Variants in SH3PXD2A observed in about 807,000 individuals in gnomAD.
The protein encoded by SH3PXD2A is SH3 and PX domain-containing protein 2A.
Under a neutral mutation model 115.2 loss-of-function variants are expected in SH3PXD2A, and 32 were observed. The ratio of observed to expected loss-of-function variants is 0.28; its 90% CI spans 0.21 to 0.37. The LOEUF (loss-of-function observed/expected upper bound fraction) is 0.37. Among genes scored for constraint, SH3PXD2A ranks in the 10% least tolerant of loss-of-function variants. The probability of loss-of-function intolerance (pLI) is 1.00; values close to 1 mark genes in which losing one functional copy is unlikely to be tolerated. For synonymous variants in SH3PXD2A, 610 were observed against 629.1 expected (o/e 0.97, Z 0.45); for missense variants, 1,328 against 1,498.7 (o/e 0.89, Z 1.88).
At chr10:103,832,619 T>C (rs2039493559) in intron 1 of SH3PXD2A, among the ~76,000 whole-genome samples, 1 of 152,148 alleles carries the variant, frequency 6.6e-6, no homozygotes, top group African/African-American at 2.4e-5. Context: ...TGGATGAAGC[T>C]AGAAACCATC....
At chr10:103,696,751 G>A (rs1389284231) in intron 5 of SH3PXD2A, among the ~76,000 whole-genome samples, 2 of 152,192 alleles carry the variant, frequency 1.3e-5, no homozygotes, top group Non-Finnish European at 2.9e-5. Flanking sequence ...CCCAAGCTGT[G>A]TCCTAAAACA....
chr10:103,719,678 C>T (rs1043931351), intron 5 of SH3PXD2A, among the ~76,000 whole-genome samples: 2 of 151,610 alleles, frequency 1.3e-5, no homozygotes, highest in East Asian at 3.9e-4. Context: ...TAACAGAGTA[C>T]CTTCTTACAC....
chr10:103,835,787 A>G (rs1348311226), intron 1 of SH3PXD2A, among the ~76,000 whole-genome samples: 1 of 152,102 alleles, frequency 6.6e-6, no homozygotes, highest in Non-Finnish European at 1.5e-5. Flanking sequence ...GCACCACTCT[A>G]TAGTTCATGC....
intron 5 of SH3PXD2A, among the ~76,000 whole-genome samples, chr10:103,696,270 C>G (rs1178758301): frequency 6.6e-6 from 1 of 152,284 alleles, no homozygotes; most frequent in South Asian, 2.1e-4. Context: ...GTTGGGCATC[C>G]TTTAGCAAAG....
intron 1 of SH3PXD2A, among the ~76,000 whole-genome samples, chr10:103,837,595 G>A (rs2039558362): frequency 6.6e-6 from 1 of 152,212 alleles, no homozygotes; most frequent in Admixed American, 6.5e-5. Flanking sequence ...CAGTGTGCTG[G>A]ATGCCACAGC....
chr10:103,716,895 G>A (rs932015818), intron 5 of SH3PXD2A, among the ~76,000 whole-genome samples: 1 of 152,242 alleles, frequency 6.6e-6, no homozygotes, highest in Non-Finnish European at 1.5e-5. Context: ...GTGTATGTAT[G>A]TGGAGGGAAG....
chr10:103,778,216 C>T (rs903287134), intron 2 of SH3PXD2A, among the ~76,000 whole-genome samples: 5 of 152,102 alleles, frequency 3.3e-5, no homozygotes, highest in Admixed American at 2.6e-4. Flanking sequence ...GCCTGTAGTC[C>T]CAGCTACTCG....
intron 13 of SH3PXD2A, among the ~76,000 whole-genome samples, chr10:103,608,024 C>T (rs752575537): frequency 2.5e-4 from 38 of 151,910 alleles, no homozygotes; most frequent in African/African-American, 8.2e-4. Flanking sequence ...CGGAAGGCCT[C>T]GGGGTCCTCT....
chr10:103,620,618 G>A lies in SH3PXD2A; in HGVS notation c.802+1852C>T, dbSNP rs1044573278. ...ACCAGCTCTGCTGTTTGCAGCAAGC[G>A]TCTCCAAGCCAACTCTCTGCAAGTT... On this transcript the variant is annotated intron_variant, in intron 10 of 14. Transcript: ENST00000369774. The surrounding 1 kb of genome is among the most constrained non-coding windows in gnomAD (Gnocchi z 5.3). Among the ~76,000 whole-genome samples the A allele has an allele frequency of 2.0e-4, 31 of 152,160 alleles. No homozygotes were observed. Among genetic ancestry groups the A allele is most frequent in the African/African-American group, 5.6e-4 (23 of 41,424 alleles).
intron 5 of SH3PXD2A, among the ~76,000 whole-genome samples, chr10:103,719,090 A>T (rs1349702014): frequency 6.6e-6 from 1 of 152,216 alleles, no homozygotes; most frequent in Non-Finnish European, 1.5e-5. Context: ...AGCCTCTTTC[A>T]TAAGAACTGT....
intron 2 of SH3PXD2A, among the ~76,000 whole-genome samples, chr10:103,799,164 T>C (rs2039123739): frequency 6.6e-6 from 1 of 152,154 alleles, no homozygotes. Flanking sequence ...TCTAAGCTGC[T>C]CTCTTACACA....
chr10:103,607,924 G>A (rs951980496), intron 13 of SH3PXD2A, among the ~76,000 whole-genome samples: 2 of 151,918 alleles, frequency 1.3e-5, no homozygotes, highest in African/African-American at 4.8e-5. Context: ...GGTGCAAGAT[G>A]TGCTTTGTTA....
chr10:103,684,776 C>A (rs933860119), intron 6 of SH3PXD2A, among the ~76,000 whole-genome samples: 2 of 152,084 alleles, frequency 1.3e-5, no homozygotes, highest in African/African-American at 4.8e-5. Flanking sequence ...CACCTGTAAT[C>A]CCAGCACTTT....
chr10:103,647,634 T>G (rs1489936224), intron 8 of SH3PXD2A, among the ~76,000 whole-genome samples: 2 of 152,206 alleles, frequency 1.3e-5, no homozygotes, highest in Non-Finnish European at 2.9e-5. Flanking sequence ...TAAATTCTCC[T>G]GAGGGAGCCA....
intron 1 of SH3PXD2A, among the ~76,000 whole-genome samples, chr10:103,844,131 G>A (rs182348708): frequency 7.2e-4 from 110 of 152,378 alleles, no homozygotes; most frequent in African/African-American, 2.5e-3. Flanking sequence ...AACTCTGCAA[G>A]AGAAGCATCA....
chr10:103,622,497 C>T lies in SH3PXD2A; in HGVS notation c.775G>A (p.Gly259Arg), dbSNP rs927146287. The T allele has an allele frequency of 1.5e-5, 24 of 1,550,114 alleles. No homozygotes were observed. Among genetic ancestry groups the T allele is most frequent in the Admixed American group, 1.4e-4 (7 of 50,976 alleles). ...RRLDRRWTLG[G>R]MVNRQHSREE... ...CGGCTGTGCTGCCTGTTGACCATCC[C>T]GCCCAGGGTCCACCGGCGATCCAGG... The change falls in exon 10 of 15, where the codon GGG (glycine) becomes AGG (arginine). Residue 259 changes from glycine to arginine, a missense_variant. By Grantham distance (125) the Gly-to-Arg change is moderately radical (BLOSUM62 -2). Around this residue, in one of 5 missense-constraint regions of SH3PXD2A, gnomAD observed 509 missense variants for 628.3 expected, o/e 0.81. Coordinates refer to ENST00000369774, the MANE Select transcript of SH3PXD2A (RefSeq NM_001394015.1).
rs1277822422 is a variant in SH3PXD2A, at chr10:103,725,652, C to T, written c.307-1291G>A. ...GACCAGCCTGGCCAACATGGAGAAA[C>T]CCCGTCTCTACGAAAAATACAAAAA... On this transcript the variant is annotated intron_variant, in intron 4 of 14. Transcript: ENST00000369774. 2.0e-5 allele frequency among the ~76,000 whole-genome samples: 3 copies of T among 152,118 alleles called. No individual in the cohort carries two copies. In the East Asian group the frequency reaches 5.8e-4, roughly 30 times the overall value.
At chr10:103,815,595 A>G (rs1270977008) in intron 1 of SH3PXD2A, among the ~76,000 whole-genome samples, 1 of 151,982 alleles carries the variant, frequency 6.6e-6, no homozygotes, top group Non-Finnish European at 1.5e-5. Context: ...CCAGATACAG[A>G]AAGAAAAATA....
At chr10:103,706,436 T>C (rs983800252) in intron 5 of SH3PXD2A, among the ~76,000 whole-genome samples, 5 of 152,220 alleles carry the variant, frequency 3.3e-5, no homozygotes, top group African/African-American at 9.6e-5. Flanking sequence ...CCCAGCCTAA[T>C]ACACTTTCTG....
Sources: allele counts gnomAD v4.1 joint callset (sites outside exome capture counted in the v4.1 genomes callset), GRCh38; gene constraint gnomAD v4.1.1; regional missense constraint gnomAD v4.1.1; non-coding constraint Gnocchi (gnomAD v3.1); transcripts MANE v1.5; gene names NCBI Gene and HGNC (gene_info 2026-07-23, HGNC 2026-07-21).